The following BTN3A3 variants were observed in gnomAD, a reference collection of about 807,000 sequenced individuals.
BTN3A3 encodes butyrophilin subfamily 3 member A3.
Under a neutral mutation model 43.2 loss-of-function variants are expected in BTN3A3, and 39 were observed. That is an observed-to-expected ratio of 0.90 (90% confidence interval 0.70 to 1.18). The LOEUF is 1.18. BTN3A3 is among the 50% of genes most tolerant of loss of function. The pLI, the probability that BTN3A3 is intolerant of heterozygous loss-of-function variation, is 0.00. For missense variants in BTN3A3, 631 were observed against 722.8 expected, an observed-to-expected ratio of 0.87 and a Z score of 1.46; for synonymous variants, 255 against 272.7, an observed-to-expected ratio of 0.93 and a Z score of 0.64.
At chr6:26,444,687 G>A (rs3846845) in intron 4 of BTN3A3, 162,764 of 350,222 alleles carry the variant, frequency 0.46, 41,794 homozygotes, top group African/African-American at 0.81. Context: ...GAGGTGGAAT[G>A]GTGACTGTAT....
rs1212035657 is a variant in BTN3A3, at chr6:26,452,098, C to T, written c.1442C>T (p.Ser481Phe). ...TCGTTCTATAATGCCACAGATGGAT[C>T]TCATATCTACACCTTTCCGCACGCC... is the stretch of plus-strand genomic sequence containing the variant. ...EISFYNATDG[S>F]HIYTFPHASF... The change falls in exon 11 of 11, where the codon TCT (serine) becomes TTT (phenylalanine). Residue 481 changes from serine (S) to phenylalanine (F), a missense_variant. Coordinates refer to ENST00000244519, the MANE Select transcript of BTN3A3 (RefSeq NM_006994.5). The T allele has an allele frequency of 6.2e-7, 1 of 1,614,068 alleles. No homozygotes were observed. Among genetic ancestry groups the T allele is most frequent in the South Asian group, 1.1e-5 (1 of 91,080 alleles).
Position 26,452,289 on chromosome 6 carries a change from G to A in BTN3A3, c.1633G>A (p.Gly545Arg). 6.2e-7 allele frequency: 1 copy of A among 1,614,096 alleles called. No individual in the cohort carries two copies. The highest frequency in any genetic ancestry group is 8.5e-7 in the Non-Finnish European group (1 of 1,180,024). ...PLTPGLANES[G>R]EPQAEVTSLL... ...GACCCCGGGCTTAGCTAATGAAAGT[G>A]GGGAGCCTCAGGCTGAAGTAACATC... is the stretch of plus-strand genomic sequence containing the variant. The change falls in exon 11 of 11, where the codon GGG (glycine) becomes AGG (arginine). Residue 545 changes from glycine to arginine, a missense_variant. Physicochemically the swap from Gly to Arg is moderately radical, Grantham distance 125. This residue lies in a region of BTN3A3 where 551 missense variants were observed against 584.0 expected (regional missense o/e 0.94). Transcript: ENST00000244519.
At chr6:26,442,779 T>A (rs1271904423) in intron 1 of BTN3A3, among the ~76,000 whole-genome samples, 1 of 152,224 alleles carries the variant, frequency 6.6e-6, no homozygotes, top group Non-Finnish European at 1.5e-5. Flanking sequence ...CTGGACCCAA[T>A]TGTGCACATT....
chr6:26,452,346 G>T lies in BTN3A3; in HGVS notation c.1690G>T (p.Val564Phe), dbSNP rs974101313. Residue 564 changes from valine to phenylalanine, a missense_variant, in exon 11 of 11, where the codon GTC (valine) becomes TTC (phenylalanine). Coordinates refer to ENST00000244519, the MANE Select transcript of BTN3A3 (RefSeq NM_006994.5). The stretch of plus-strand genomic sequence containing the variant: ...TCTCCCTGCCCACCCTGGAGCTGAG[G>T]TCTCCCCTTCTGCAACAACCAATCA... ...LLLPAHPGAEVSPSATTNQNH... is the reference protein window; with the variant it reads ...LLLPAHPGAEFSPSATTNQNH... 5 of 1,611,002 alleles carry T rather than the reference G, an allele frequency of 3.1e-6. No homozygotes were observed. Among genetic ancestry groups the T allele is most frequent in the Admixed American group, 3.3e-5 (2 of 59,990 alleles).
Position 26,443,610 on chromosome 6 carries a change from C to T in BTN3A3, c.36C>T (p.Leu12=). ...CAAGTTCCCTGGCTTTCCTTCTGCT[C>T]AACTTTCATGTCTCCCTCTTCTTGG... ...KMASSLAFLL[L]NFHVSLFLVQ... The change falls in exon 3 of 11, where the codon CTC becomes CTT. Residue 12 remains leucine, a synonymous_variant. Transcript: ENST00000244519. 6.2e-7 allele frequency: 1 copy of T among 1,614,228 alleles called. No individual in the cohort carries two copies. Among genetic ancestry groups the T allele is most frequent in the Non-Finnish European group, 8.5e-7 (1 of 1,180,042 alleles).
rs767093669 is a variant in BTN3A3, at chr6:26,445,896, T to C, written c.626T>C (p.Ile209Thr). 6.2e-7 allele frequency: 1 copy of C among 1,614,152 alleles called. No individual in the cohort carries two copies. Among genetic ancestry groups the C allele is most frequent in the Admixed American group, 1.7e-5 (1 of 60,026 alleles). ...VGLYAVAASV[I>T]MRGSSGGGVS... ...CTGTATGCAGTAGCAGCATCTGTGA[T>C]CATGAGAGGCAGCTCTGGTGGGGGT... The change falls in exon 5 of 11, where the codon ATC (isoleucine) becomes ACC (threonine). Residue 209 changes from isoleucine to threonine, a missense_variant. Physicochemically the swap from Ile to Thr is moderately conservative, Grantham distance 89. Transcript: ENST00000244519.
At chr6:26,443,479 C>G in intron 2 of BTN3A3, 37 bp downstream of exon 2, 4 of 1,590,260 alleles carry the variant, frequency 2.5e-6, no homozygotes, top group Non-Finnish European at 3.4e-6. Flanking sequence ...TGAGTTAGCC[C>G]TGGGGAAGTG....
In BTN3A3 at chr6:26,448,362, A is replaced by T; in HGVS notation, c.830A>T (p.Lys277Ile). 6.2e-7 allele frequency: 1 copy of T among 1,613,890 alleles called. No individual in the cohort carries two copies. Among genetic ancestry groups the T allele is most frequent in the South Asian group, 1.1e-5 (1 of 91,072 alleles). Residue 277 changes from lysine (K) to isoleucine (I), a missense_variant, in exon 6 of 11, where the codon AAA (lysine) becomes ATA (isoleucine). Around this residue, in one of 2 missense-constraint regions of BTN3A3, gnomAD observed 551 missense variants for 584.0 expected, o/e 0.94. Coordinates refer to ENST00000244519, the MANE Select transcript of BTN3A3 (RefSeq NM_006994.5). Reference sequence around the variant, plus strand: ...TTCTTGTGGAGACAACAGAAGGAAAAAATTGCTCTGTCCAGGGAGACAGAA... The same window carrying T: ...TTCTTGTGGAGACAACAGAAGGAAATAATTGCTCTGTCCAGGGAGACAGAA... Reference protein sequence around the residue: ...SYFLWRQQKEKIALSRETERE... With the variant: ...SYFLWRQQKEIIALSRETERE...
intron 10 of BTN3A3, among the ~76,000 whole-genome samples, chr6:26,450,758 G>A (rs1762908783): frequency 6.6e-6 from 1 of 152,174 alleles, no homozygotes; most frequent in Non-Finnish European, 1.5e-5. Flanking sequence ...CCAACAGTGG[G>A]GAGCTGTCTT....
At chr6:26,445,525 G>T in intron 4 of BTN3A3, 179 bp from the exon 5 acceptor site, 1 of 719,740 alleles carries the variant, frequency 1.4e-6, no homozygotes. Context: ...CCACATTACT[G>T]ACCCTGGGAT....
chr6:26,445,671 C>T (rs1762756562), intron 4 of BTN3A3, 33 bp from the exon 5 acceptor site: 10 of 1,601,256 alleles, frequency 6.2e-6, no homozygotes, highest in Non-Finnish European at 8.5e-6. Flanking sequence ...TACAGGAGCT[C>T]TCAAGAATTT....
chr6:26,443,778 C>A (rs936064774), intron 3 of BTN3A3, 119 bp downstream of exon 3: 1 of 1,485,234 alleles, frequency 6.7e-7, no homozygotes, highest in African/African-American at 1.4e-5. Context: ...CATTCCCATA[C>A]CTGGAAGTCC....
Position 26,443,884 on chromosome 6 carries a change from T to C in BTN3A3, c.86-73T>C, listed in dbSNP as rs1199898669. 5 of 1,610,284 alleles carry C rather than the reference T, an allele frequency of 3.1e-6. No individual in the cohort carries two copies. The Admixed American group carries it at 5.0e-5, about 16-fold the overall frequency. Reference sequence around the variant, plus strand: ...GGTTCTCTGTATCTCGCCTTCCCTGTCTGAGAAGGACCCTTCCTCTCGTGA... The same window carrying C: ...GGTTCTCTGTATCTCGCCTTCCCTGCCTGAGAAGGACCCTTCCTCTCGTGA... On this transcript the variant is annotated intron_variant, in intron 3 of 10. Coordinates refer to ENST00000244519, the MANE Select transcript of BTN3A3 (RefSeq NM_006994.5).
chr6:26,440,695 G>C (rs1762600827), intron 1 of BTN3A3, 47 bp downstream of exon 1: 1 of 152,550 alleles, frequency 6.6e-6, no homozygotes, highest in Non-Finnish European at 1.5e-5. Flanking sequence ...TGCCTGGGAG[G>C]ACAAGAGCTG....
intron 10 of BTN3A3, among the ~76,000 whole-genome samples, chr6:26,451,360 G>A (rs954544834): frequency 9.2e-5 from 14 of 152,170 alleles, no homozygotes; most frequent in Non-Finnish European, 1.9e-4. Flanking sequence ...TAACCTCTGA[G>A]TATAAGGCAT....
chr6:26,452,114 T>G lies in BTN3A3; in HGVS notation c.1458T>G (p.Phe486Leu), dbSNP rs1381700266. 1 of 1,614,148 alleles carries G rather than the reference T, an allele frequency of 6.2e-7. No individual in the cohort carries two copies. Among genetic ancestry groups the G allele is most frequent in the Admixed American group, 1.7e-5 (1 of 60,024 alleles). The change falls in exon 11 of 11, where the codon TTT (phenylalanine) becomes TTG (leucine). Residue 486 changes from phenylalanine to leucine, a missense_variant. Coordinates refer to ENST00000244519, the MANE Select transcript of BTN3A3 (RefSeq NM_006994.5). Reference sequence around the variant, plus strand: ...CAGATGGATCTCATATCTACACCTTTCCGCACGCCTCTTTCTCTGAGCCTC... The same window carrying G: ...CAGATGGATCTCATATCTACACCTTGCCGCACGCCTCTTTCTCTGAGCCTC... ...NATDGSHIYT[F>L]PHASFSEPLY...
Position 26,452,025 on chromosome 6 carries a change from C to A in BTN3A3, c.1369C>A (p.Pro457Thr). ...CAGAACCAACCTGAAACTTCCTGAG[C>A]CTCCTAGGAAAGTGGGGATCTTCCT... ...EPRTNLKLPE[P>T]PRKVGIFLDY... The change falls in exon 11 of 11, where the codon CCT becomes ACT. Residue 457 changes from proline to threonine, a missense_variant. By Grantham distance (38) the Pro-to-Thr change is conservative (BLOSUM62 -1). Coordinates refer to ENST00000244519, the MANE Select transcript of BTN3A3 (RefSeq NM_006994.5). 6.2e-7 allele frequency: 1 copy of A among 1,614,148 alleles called. No homozygotes were observed. The highest frequency in any genetic ancestry group is 8.5e-7 in the Non-Finnish European group (1 of 1,180,018).
chr6:26,444,396 G>C, intron 4 of BTN3A3, 92 bp downstream of exon 4: 1 of 1,592,486 alleles, frequency 6.3e-7, no homozygotes. Context: ...AGACACTCCT[G>C]GCTGCTCACT....
rs1052272289 is a variant in BTN3A3 at position 26,443,876 on chromosome 6, C to G, written c.86-81C>G. On this transcript the variant is annotated intron_variant, in intron 3 of 10. Coordinates refer to ENST00000244519, the MANE Select transcript of BTN3A3 (RefSeq NM_006994.5). ...CCCCTCTAGGTTCTCTGTATCTCGC[C>G]TTCCCTGTCTGAGAAGGACCCTTCC... 14 of 1,607,618 alleles carry G rather than the reference C, an allele frequency of 8.7e-6. No homozygotes were observed. In the Admixed American group the frequency reaches 2.4e-4, roughly 27 times the overall value.
Sources: allele counts gnomAD v4.1 joint callset (sites outside exome capture counted in the v4.1 genomes callset), GRCh38; gene constraint gnomAD v4.1.1; regional missense constraint gnomAD v4.1.1; transcripts MANE v1.5; gene names NCBI Gene and HGNC (gene_info 2026-07-23, HGNC 2026-07-21).